The following PTPRG variants were observed in gnomAD, a reference collection of about 807,000 sequenced individuals.
PTPRG encodes receptor-type tyrosine-protein phosphatase gamma.
In PTPRG, 102 loss-of-function variants were observed where a neutral mutation model predicts 165.3. The observed-to-expected ratio is 0.62, with a 90% confidence interval of 0.53 to 0.73. The LOEUF (loss-of-function observed/expected upper bound fraction) is 0.73. PTPRG is among the 30% of genes least tolerant of loss of function. The probability of loss-of-function intolerance (pLI) is 0.00; values close to 1 mark genes in which losing one functional copy is unlikely to be tolerated. For missense variants in PTPRG, 1,866 were observed against 1,861.4 expected (o/e 1.00, Z -0.05); for synonymous variants, 675 against 669.5 (o/e 1.01, Z -0.13).
intron 5 of PTPRG, among the ~76,000 whole-genome samples, chr3:62,096,625 T>G (rs747104427): frequency 1.3e-5 from 2 of 152,220 alleles, no homozygotes; most frequent in Non-Finnish European, 2.9e-5. Flanking sequence ...GCAGCCATAT[T>G]GTAAAACCTG....
chr3:61,567,693 CA>C (rs1195647404), intron 1 of PTPRG, among the ~76,000 whole-genome samples: 3 of 128,226 alleles, frequency 2.3e-5, no homozygotes, highest in Non-Finnish European at 4.9e-5. Context: ...ATTAAAAGAT[CA>C]AATGTAGGCT....
intron 1 of PTPRG, among the ~76,000 whole-genome samples, chr3:61,687,967 C>T (rs559666920): frequency 1.3e-5 from 2 of 152,160 alleles, no homozygotes; most frequent in African/African-American, 2.4e-5. Context: ...GAAAAGGAAT[C>T]GCGTACCCAG....
chr3:62,101,306 A>G (rs1327055745), intron 5 of PTPRG, among the ~76,000 whole-genome samples: 3 of 152,240 alleles, frequency 2.0e-5, no homozygotes, highest in Admixed American at 6.5e-5. Flanking sequence ...TTTTCAGGAA[A>G]GAAAACTTTA....
chr3:62,059,466 C>A (rs1211084135), intron 4 of PTPRG, among the ~76,000 whole-genome samples: 2 of 152,168 alleles, frequency 1.3e-5, no homozygotes, highest in Admixed American at 1.3e-4. Context: ...TGGACCGAGA[C>A]CTGGTATGAA....
At position 61,682,978 on chromosome 3, in the gene PTPRG, TTCTC is replaced by T. The variant is rs1430983875; in HGVS notation, c.86-65896_86-65893del. Among the ~76,000 whole-genome samples, 8 of 152,280 alleles carry T rather than the reference TTCTC, an allele frequency of 5.3e-5. No homozygotes were observed. The East Asian group carries it at 9.6e-4, about 18-fold the overall frequency. On this transcript the variant is annotated intron_variant, in intron 1 of 29. Coordinates refer to ENST00000474889, the MANE Select transcript of PTPRG (RefSeq NM_002841.4). Reference sequence around the variant, plus strand: ...TTGTCCTTAAGTGGAAAGCTTTTCTTTCTCTCTTTCTTCCTTCCTTAATTTTCCA... The same window carrying T: ...TTGTCCTTAAGTGGAAAGCTTTTCTTTCTTTCTTCCTTCCTTAATTTTCCA...
At chr3:61,620,108 T>C (rs1701409984) in intron 1 of PTPRG, among the ~76,000 whole-genome samples, 1 of 152,122 alleles carries the variant, frequency 6.6e-6, no homozygotes, top group Admixed American at 6.5e-5. Context: ...ATAAAAGGAC[T>C]TTCTTGAATG....
chr3:62,284,939 C>T (rs933449863), intron 28 of PTPRG, among the ~76,000 whole-genome samples: 4 of 152,136 alleles, frequency 2.6e-5, no homozygotes, highest in Admixed American at 2.6e-4. Flanking sequence ...TGCAAATCCT[C>T]TTTCCTCTGA....
chr3:62,064,376 T>G (rs1700929754), intron 4 of PTPRG, among the ~76,000 whole-genome samples: 1 of 152,154 alleles, frequency 6.6e-6, no homozygotes, highest in South Asian at 2.1e-4. Context: ...CACAGTGTAT[T>G]TATTTTGCAA....
chr3:61,777,140 A>G (rs1192918336), intron 2 of PTPRG, among the ~76,000 whole-genome samples: 1 of 152,124 alleles, frequency 6.6e-6, no homozygotes, highest in Admixed American at 6.5e-5. Flanking sequence ...GTCAATACCT[A>G]ATAAAATTTT....
Position 62,157,175 on chromosome 3 carries a change from T to C in PTPRG, c.791T>C (p.Ile264Thr). Reference sequence around the variant, plus strand: ...TTGACCACACCACCGTGTAGCGAAATAGTGGAGTGGATAGTCTTCCGGAGA... The same window carrying C: ...TTGACCACACCACCGTGTAGCGAAACAGTGGAGTGGATAGTCTTCCGGAGA... Reference protein sequence around the residue: ...GSLTTPPCSEIVEWIVFRRPV... With the variant: ...GSLTTPPCSETVEWIVFRRPV... Residue 264 changes from isoleucine to threonine, a missense_variant, in exon 7 of 30, where the codon ATA becomes ACA. Physicochemically the swap from Ile to Thr is moderately conservative, Grantham distance 89. Coordinates refer to ENST00000474889, the MANE Select transcript of PTPRG (RefSeq NM_002841.4). 3 of 1,613,956 alleles carry C rather than the reference T, an allele frequency of 1.9e-6. No homozygotes were observed. The highest frequency in any genetic ancestry group is 2.5e-6 in the Non-Finnish European group (3 of 1,179,884).
intron 12 of PTPRG, among the ~76,000 whole-genome samples, chr3:62,215,586 G>C (rs924594542): frequency 1.6e-5 from 2 of 125,580 alleles, no homozygotes; most frequent in African/African-American, 6.3e-5. Flanking sequence ...TTCACCAAAT[G>C]TTAGAGGGAG....
At chr3:61,704,889 G>T (rs939285576) in intron 1 of PTPRG, among the ~76,000 whole-genome samples, 1 of 152,138 alleles carries the variant, frequency 6.6e-6, no homozygotes, top group Admixed American at 6.5e-5. Context: ...CCTGGCCCCC[G>T]CCCCTGGCCC....
At chr3:61,815,858 A>C (rs1199740433) in intron 2 of PTPRG, among the ~76,000 whole-genome samples, 2 of 152,316 alleles carry the variant, frequency 1.3e-5, no homozygotes, top group East Asian at 3.9e-4. Flanking sequence ...ATTTGCCCTA[A>C]AAACATAACC....
At chr3:62,267,526 A>T in intron 18 of PTPRG, 34 bp downstream of exon 18, 1 of 1,566,948 alleles carries the variant, frequency 6.4e-7, no homozygotes, top group Non-Finnish European at 8.7e-7. Flanking sequence ...ACCTGTTTCT[A>T]GAAATTGAAG....
At chr3:61,915,303 C>T (rs1322104714) in intron 2 of PTPRG, among the ~76,000 whole-genome samples, 4 of 152,286 alleles carry the variant, frequency 2.6e-5, no homozygotes, top group South Asian at 4.1e-4. Flanking sequence ...ATAGCTCTGT[C>T]GGTTCTCCAT....
intron 5 of PTPRG, among the ~76,000 whole-genome samples, chr3:62,099,346 A>G (rs1319515127): frequency 6.6e-6 from 1 of 152,194 alleles, no homozygotes; most frequent in African/African-American, 2.4e-5. Flanking sequence ...GTCTTTCAAA[A>G]TGGTATTTTA....
At chr3:62,078,989 T>G (rs546941836) in intron 5 of PTPRG, among the ~76,000 whole-genome samples, 1 of 152,336 alleles carries the variant, frequency 6.6e-6, no homozygotes, top group East Asian at 1.9e-4. Context: ...GTGGTTTGTC[T>G]TTCAATCTTA....
At chr3:62,021,132 A>ATTAT (rs34852907) in intron 4 of PTPRG, among the ~76,000 whole-genome samples, 39,562 of 151,992 alleles carry the variant, frequency 0.26, 5,689 homozygotes, top group African/African-American at 0.37. Context: ...CTGCGTGATA[A>ATTAT]GAGTTTTTGT....
intron 2 of PTPRG, chr3:61,749,756 A>C (rs1326853414): frequency 6.5e-6 from 1 of 153,010 alleles, no homozygotes; most frequent in Non-Finnish European, 1.5e-5. Context: ...AGTAAGATAG[A>C]CCACTTTGGA....
Sources: allele counts gnomAD v4.1 joint callset (sites outside exome capture counted in the v4.1 genomes callset), GRCh38; gene constraint gnomAD v4.1.1; transcripts MANE v1.5; gene names NCBI Gene and HGNC (gene_info 2026-07-23, HGNC 2026-07-21).